The following PTPRK variants were observed in gnomAD, a reference collection of about 807,000 sequenced individuals.
PTPRK encodes protein tyrosine phosphatase receptor type K.
PTPRK carries 75 observed loss-of-function variants against 178.0 expected under a neutral mutation model. The ratio of observed to expected loss-of-function variants is 0.42; its 90% CI spans 0.35 to 0.51. PTPRK has a LOEUF of 0.51. Ranked by LOEUF, PTPRK falls within the 20% of genes least tolerant of loss-of-function variation. The pLI is 0.02. For synonymous variants in PTPRK, 637 were observed against 620.6 expected (o/e 1.03, Z -0.39); for missense variants, 1,441 against 1,797.8 (o/e 0.80, Z 3.59).
rs928627813 is a variant in PTPRK, at chr6:127,978,241, G to C, written c.3712-1187C>G. On this transcript the variant is annotated intron_variant, in intron 25 of 29. Coordinates refer to ENST00000368226, the MANE Select transcript of PTPRK (RefSeq NM_002844.4). ...TTCATGAGTCATATTGTTTGGCTCT[G>C]TGTCCCCACCCAAATCTCACCTAGA... is the stretch of plus-strand genomic sequence containing the variant. 2.6e-5 allele frequency among the ~76,000 whole-genome samples: 4 copies of C among 152,202 alleles called. No homozygotes were observed. The East Asian group carries it at 5.8e-4, about 22-fold the overall frequency.
intron 1 of PTPRK, among the ~76,000 whole-genome samples, chr6:128,513,319 G>A (rs1360048649): frequency 6.6e-6 from 1 of 151,348 alleles, no homozygotes; most frequent in Non-Finnish European, 1.5e-5. Context: ...ACCCCATCTT[G>A]ACTAAAAATA....
intron 1 of PTPRK, among the ~76,000 whole-genome samples, chr6:128,476,533 T>C (rs1196097410): frequency 1.3e-5 from 2 of 152,006 alleles, no homozygotes; most frequent in Non-Finnish European, 2.9e-5. Context: ...AATTATCAGC[T>C]AAACATGAAT....
chr6:128,083,695 C>G lies in PTPRK; in HGVS notation c.1575+20G>C. ...GTCCTTCAATCCACATTTCAATTAACTTCCTTGTTCTCCCAATACCTCATA... is the reference window on the plus strand; with the variant it reads ...GTCCTTCAATCCACATTTCAATTAAGTTCCTTGTTCTCCCAATACCTCATA... On this transcript the variant is annotated intron_variant, in intron 9 of 29. Transcript: ENST00000368226. 6.8e-7 allele frequency: 1 copy of G among 1,462,240 alleles called. No individual in the cohort carries two copies. Among genetic ancestry groups the G allele is most frequent in the Non-Finnish European group, 9.4e-7 (1 of 1,064,782 alleles). 90.6% of individuals were successfully genotyped at this position (1,462,240 alleles called of 1,614,324 possible).
chr6:128,409,077 AG>A, intron 1 of PTPRK, among the ~76,000 whole-genome samples: 1 of 152,228 alleles, frequency 6.6e-6, no homozygotes, highest in African/African-American at 2.4e-5. Context: ...GTGACATAAA[AG>A]TGTCCCTTCC....
chr6:128,212,237 T>A (rs1049380813), intron 6 of PTPRK, among the ~76,000 whole-genome samples: 1 of 152,000 alleles, frequency 6.6e-6, no homozygotes. Flanking sequence ...GTATGCGATT[T>A]TTTTGGCATT....
At chr6:128,439,737 T>TA (rs1307655866) in intron 1 of PTPRK, among the ~76,000 whole-genome samples, 6 of 152,198 alleles carry the variant, frequency 3.9e-5, no homozygotes, top group African/African-American at 1.4e-4. Context: ...TGCAAATAGA[T>TA]AGACTTCTAA....
At chr6:128,018,491 CTTAAT>C (rs1282215238) in intron 13 of PTPRK, among the ~76,000 whole-genome samples, 1 of 151,198 alleles carries the variant, frequency 6.6e-6, no homozygotes, top group Non-Finnish European at 1.5e-5. Context: ...GTCAGGTGGC[CTTAAT>C]TTTTTTTTTT....
chr6:128,303,946 C>T (rs746119896), intron 3 of PTPRK, among the ~76,000 whole-genome samples: 33 of 152,136 alleles, frequency 2.2e-4, no homozygotes, highest in Non-Finnish European at 4.7e-4. Context: ...AAGACAAAAG[C>T]AACACTGCAG....
chr6:128,399,115 T>G (rs762930692), intron 1 of PTPRK, among the ~76,000 whole-genome samples: 1 of 152,212 alleles, frequency 6.6e-6, no homozygotes. Context: ...CATAGGGATC[T>G]CTGTGCAGAA....
At chr6:128,331,372 G>A (rs958895379) in intron 2 of PTPRK, among the ~76,000 whole-genome samples, 19 of 151,782 alleles carry the variant, frequency 1.3e-4, no homozygotes, top group African/African-American at 4.1e-4. Flanking sequence ...CTTTGGCCTC[G>A]CCAGCCCCTA....
intron 8 of PTPRK, 74 bp from the exon 9 acceptor site, chr6:128,083,898 A>G (rs1251085803): frequency 2.9e-6 from 2 of 688,044 alleles, no homozygotes; most frequent in Non-Finnish European, 4.6e-6. Context: ...GATAAGCTAG[A>G]TAAACAGGAT....
intron 3 of PTPRK, among the ~76,000 whole-genome samples, chr6:128,264,071 A>G (rs911431193): frequency 6.6e-6 from 1 of 152,188 alleles, no homozygotes; most frequent in Admixed American, 6.6e-5. Context: ...CCATCAGTGG[A>G]GATTGGCAGC....
At chr6:128,435,608 C>G (rs898175002) in intron 1 of PTPRK, among the ~76,000 whole-genome samples, 1 of 152,116 alleles carries the variant, frequency 6.6e-6, no homozygotes, top group Non-Finnish European at 1.5e-5. Flanking sequence ...AGTTTTCTAT[C>G]TTTCTGGTGT....
At chr6:128,136,021 A>C (rs1435808526) in intron 7 of PTPRK, among the ~76,000 whole-genome samples, 1 of 152,130 alleles carries the variant, frequency 6.6e-6, no homozygotes, top group East Asian at 1.9e-4. Flanking sequence ...GGAGATATTA[A>C]AGTTAAATGA....
At chr6:128,462,286 A>C (rs994294795) in intron 1 of PTPRK, among the ~76,000 whole-genome samples, 4 of 152,226 alleles carry the variant, frequency 2.6e-5, no homozygotes, top group Admixed American at 6.5e-5. Context: ...CTACATACAT[A>C]ATTTTAAATT....
intron 6 of PTPRK, among the ~76,000 whole-genome samples, chr6:128,211,170 G>A (rs1202507646): frequency 6.6e-6 from 1 of 152,056 alleles, no homozygotes; most frequent in Non-Finnish European, 1.5e-5. Context: ...TGTACAAGAA[G>A]AGACTGTTGT....
intron 7 of PTPRK, among the ~76,000 whole-genome samples, chr6:128,129,476 G>A (rs554914497): frequency 1.3e-5 from 2 of 152,162 alleles, no homozygotes; most frequent in East Asian, 1.9e-4. Context: ...AAATTTCATT[G>A]ATATTCTCAG....
chr6:128,088,374 CAAA>C (rs111724466), intron 8 of PTPRK, among the ~76,000 whole-genome samples: 1 of 121,660 alleles, frequency 8.2e-6, no homozygotes, highest in African/African-American at 2.9e-5. Context: ...AAGACTGTTT[CAAA>C]AAAAAAAAAG....
Position 128,335,912 on chromosome 6 carries a change from C to G in PTPRK, c.224-13602G>C, listed in dbSNP as rs540696637. ...TAATATTAAATCATATCCCAGGTCT[C>G]TGGGATAGGCTATTCTACTTTCAGT... On this transcript the variant is annotated intron_variant, in intron 2 of 29. Coordinates refer to ENST00000368226, the MANE Select transcript of PTPRK (RefSeq NM_002844.4). Among the ~76,000 whole-genome samples the G allele has an allele frequency of 1.3e-4, 20 of 152,258 alleles. No individual in the cohort carries two copies. The South Asian group carries it at 3.9e-3, about 30-fold the overall frequency.
Sources: gnomAD v4.1 joint callset for allele counts (sites outside exome capture counted in the v4.1 genomes callset) on GRCh38, gnomAD v4.1.1 for gene constraint, MANE v1.5 for transcripts, NCBI Gene and HGNC (gene_info 2026-07-23, HGNC 2026-07-21) for gene names.